Variants in PCCA observed in about 807,000 individuals in gnomAD.
PCCA encodes the protein propionyl-CoA carboxylase alpha chain, mitochondrial.
A neutral mutation model predicts 101.3 loss-of-function variants in PCCA; 74 were observed. That is an observed-to-expected ratio of 0.73 (90% CI 0.61 to 0.89). The LOEUF is 0.89. PCCA is among the 40% of genes least tolerant of loss of function. The pLI is 0.00. For missense variants in PCCA, 891 were observed against 907.0 expected, an observed-to-expected ratio of 0.98 and a Z score of 0.23; for synonymous variants, 294 against 313.6, an observed-to-expected ratio of 0.94 and a Z score of 0.66.
At chr13:100,168,969 CA>C (rs2055336800) in intron 6 of PCCA, among the ~76,000 whole-genome samples, 1 of 151,886 alleles carries the variant, frequency 6.6e-6, no homozygotes, top group African/African-American at 2.4e-5. Context: ...TAATTTTGGC[CA>C]AAACTACCGG....
chr13:100,477,518 G>C (rs2083505825), intron 21 of PCCA: 1 of 152,214 alleles, frequency 6.6e-6, no homozygotes, highest in Non-Finnish European at 1.5e-5. Flanking sequence ...TGCTCATTCG[G>C]GTAGTGCAGG....
At position 100,348,361 on chromosome 13, in the gene PCCA, T is replaced by C. The variant is rs185828277; in HGVS notation, c.1643+8102T>C. 3.3e-5 allele frequency among the ~76,000 whole-genome samples: 5 copies of C among 152,338 alleles called. No homozygotes were observed. In the East Asian group the frequency reaches 7.7e-4, roughly 23 times the overall value. ...CATTTTAGAAAAAAAGAAAAGTTAATGTCAGAAACAATAGCCATTTTTTGG... is the reference window on the plus strand; with the variant it reads ...CATTTTAGAAAAAAAGAAAAGTTAACGTCAGAAACAATAGCCATTTTTTGG... On this transcript the variant is annotated intron_variant, in intron 18 of 23. Coordinates refer to ENST00000376285, the MANE Select transcript of PCCA (RefSeq NM_000282.4).
intron 12 of PCCA, among the ~76,000 whole-genome samples, chr13:100,301,106 G>C (rs1224516289): frequency 2.6e-5 from 4 of 152,180 alleles, no homozygotes; most frequent in African/African-American, 9.7e-5. Context: ...AGCAGAATAG[G>C]TTGATTATCG....
In PCCA at chr13:100,394,383, AGGTTCCTTT is replaced by A; in HGVS notation, c.1746+25810_1746+25818del. ...TAAGAAAACACAGCTTTCTTCAGCG[AGGTTCCTTT>A]TGCATCAGCGCTGGTTCTTGGTGGC... On this transcript the variant is annotated intron_variant, in intron 19 of 23. Coordinates refer to ENST00000376285, the MANE Select transcript of PCCA (RefSeq NM_000282.4). The surrounding 1 kb of genome is among the most constrained non-coding windows in gnomAD (Gnocchi z 4.3). 6.6e-6 allele frequency among the ~76,000 whole-genome samples: 1 copy of A among 151,844 alleles called. No individual in the cohort carries two copies. Among genetic ancestry groups the A allele is most frequent in the Non-Finnish European group, 1.5e-5 (1 of 67,922 alleles).
At chr13:100,428,359 CCA>C (rs1329584362) in intron 20 of PCCA, among the ~76,000 whole-genome samples, 2 of 145,674 alleles carry the variant, frequency 1.4e-5, no homozygotes, top group African/African-American at 5.1e-5. Context: ...CCCACCCCCC[CCA>C]CACCCTCAGC....
intron 12 of PCCA, among the ~76,000 whole-genome samples, chr13:100,284,254 C>T (rs1048862165): frequency 6.6e-6 from 1 of 152,152 alleles, no homozygotes; most frequent in Non-Finnish European, 1.5e-5. Context: ...AAGTCCCACA[C>T]CTTTATTAGG....
At chr13:100,203,460 C>T (rs774052247) in intron 6 of PCCA, among the ~76,000 whole-genome samples, 9 of 151,894 alleles carry the variant, frequency 5.9e-5, no homozygotes, top group South Asian at 2.1e-4. Flanking sequence ...GAGGCCGAGG[C>T]GGGTGGATCA....
intron 4 of PCCA, among the ~76,000 whole-genome samples, chr13:100,139,000 A>T (rs1266139484): frequency 2.0e-5 from 3 of 150,824 alleles, no homozygotes; most frequent in African/African-American, 7.3e-5. Context: ...TTCTTAGAGG[A>T]TATTTGCACT....
chr13:100,223,156 A>G (rs1351224525), intron 7 of PCCA, among the ~76,000 whole-genome samples: 1 of 150,522 alleles, frequency 6.6e-6, no homozygotes, highest in African/African-American at 2.4e-5. Flanking sequence ...AATTGGGATC[A>G]CAGCTTTTTT....
chr13:100,300,347 C>G (rs372328611), intron 12 of PCCA, among the ~76,000 whole-genome samples: 1 of 150,910 alleles, frequency 6.6e-6, no homozygotes, highest in Non-Finnish European at 1.5e-5. Flanking sequence ...TTTTACAAAG[C>G]TTTTTTTTTA....
intron 4 of PCCA, among the ~76,000 whole-genome samples, chr13:100,124,607 G>C (rs188447363): frequency 3.9e-5 from 6 of 152,222 alleles, no homozygotes; most frequent in African/African-American, 1.2e-4. Context: ...GGGAGGGACC[G>C]AGGACGAATA....
chr13:100,203,702 T>A (rs539394008), intron 6 of PCCA, among the ~76,000 whole-genome samples: 3 of 152,168 alleles, frequency 2.0e-5, no homozygotes, highest in African/African-American at 7.2e-5. Context: ...CAAAAAAAAT[T>A]ATGTTGGATT....
At chr13:100,282,547 G>A (rs2064217412) in intron 12 of PCCA, among the ~76,000 whole-genome samples, 2 of 152,204 alleles carry the variant, frequency 1.3e-5, no homozygotes, top group Non-Finnish European at 2.9e-5. Context: ...AGAGCAGCCG[G>A]GCAATGAGGG....
chr13:100,455,958 C>T (rs2081674840), intron 21 of PCCA, among the ~76,000 whole-genome samples: 1 of 152,212 alleles, frequency 6.6e-6, no homozygotes, highest in Admixed American at 6.5e-5. Flanking sequence ...CCTCAGCCTC[C>T]CAAAGTGCTG....
At chr13:100,192,683 C>A (rs896885628) in intron 6 of PCCA, among the ~76,000 whole-genome samples, 2 of 152,112 alleles carry the variant, frequency 1.3e-5, no homozygotes, top group East Asian at 3.9e-4. Context: ...CTCCATAGAG[C>A]CAGACCCTGT....
intron 6 of PCCA, among the ~76,000 whole-genome samples, chr13:100,201,676 G>A (rs1430605183): frequency 6.6e-6 from 1 of 151,706 alleles, no homozygotes; most frequent in Non-Finnish European, 1.5e-5. Context: ...TGACCAACAT[G>A]GTGAAACCCC....
intron 16 of PCCA, among the ~76,000 whole-genome samples, chr13:100,317,484 T>C (rs1409924357): frequency 6.6e-6 from 1 of 152,188 alleles, no homozygotes; most frequent in African/African-American, 2.4e-5. Context: ...TGTCCATGAA[T>C]CTGCTATTTT....
intron 4 of PCCA, among the ~76,000 whole-genome samples, chr13:100,143,550 AT>A (rs200925614): frequency 1.3e-3 from 181 of 140,080 alleles, no homozygotes; most frequent in African/African-American, 5.4e-3. Flanking sequence ...AAAAAAAAAA[AT>A]AAAAAAAAAA....
At chr13:100,515,593 A>G (rs1328689572) in intron 22 of PCCA, 26 bp downstream of exon 22, 2 of 1,611,480 alleles carry the variant, frequency 1.2e-6, no homozygotes, top group African/African-American at 2.7e-5. Context: ...GTCTCTCTGC[A>G]GGACATGCTG....
Sources: gnomAD v4.1 joint callset for allele counts (sites outside exome capture counted in the v4.1 genomes callset) on GRCh38, gnomAD v4.1.1 for gene constraint, Gnocchi (gnomAD v3.1) non-coding constraint, MANE v1.5 for transcripts, NCBI Gene and HGNC (gene_info 2026-07-23, HGNC 2026-07-21) for gene names.